ZNF385D: variants seen among roughly 807,000 people sequenced by gnomAD.
ZNF385D encodes zinc finger protein 659.
A neutral mutation model predicts 35.8 loss-of-function variants in ZNF385D; 15 were observed. The observed-to-expected ratio is 0.42, with a 90% CI of 0.28 to 0.64. The LOEUF is 0.64. Among genes scored for constraint, ZNF385D ranks in the 30% least tolerant of loss-of-function variants. The pLI is 0.23. For missense variants in ZNF385D, 474 were observed against 494.6 expected, an observed-to-expected ratio of 0.96 and a Z score of 0.39; for synonymous variants, 212 against 186.8, an observed-to-expected ratio of 1.13 and a Z score of -1.10.
At chr3:22,359,306 T>C (rs1004300373) in intron 2 of ZNF385D, among the ~76,000 whole-genome samples, 2 of 151,768 alleles carry the variant, frequency 1.3e-5, no homozygotes, top group African/African-American at 2.4e-5. Context: ...TTCTGTCTTG[T>C]AGAATCCAGT....
chr3:21,605,072 G>C (rs977011026), intron 2 of ZNF385D, among the ~76,000 whole-genome samples: 3 of 152,160 alleles, frequency 2.0e-5, no homozygotes, highest in Non-Finnish European at 4.4e-5. Flanking sequence ...ATTACACTTT[G>C]TCCTAACACT....
At chr3:21,667,226 A>G (rs542611879) in intron 1 of ZNF385D, among the ~76,000 whole-genome samples, 3 of 152,316 alleles carry the variant, frequency 2.0e-5, no homozygotes, top group East Asian at 3.9e-4. Context: ...CTGTGGTGCC[A>G]TTATGGCTCA....
chr3:21,794,206 G>A (rs1381250126), intron 3 of ZNF385D, among the ~76,000 whole-genome samples: 1 of 152,042 alleles, frequency 6.6e-6, no homozygotes, highest in Non-Finnish European at 1.5e-5. Context: ...GCAACTTGCT[G>A]CTTGGGGAGT....
chr3:22,122,276 C>T (rs1006412999), intron 3 of ZNF385D, among the ~76,000 whole-genome samples: 1 of 152,122 alleles, frequency 6.6e-6, no homozygotes, highest in Non-Finnish European at 1.5e-5. Context: ...GCATCAGGAC[C>T]TGCATTCGGC....
At chr3:21,841,201 C>G (rs1368310287) in intron 3 of ZNF385D, among the ~76,000 whole-genome samples, 1 of 152,000 alleles carries the variant, frequency 6.6e-6, no homozygotes, top group Non-Finnish European at 1.5e-5. Context: ...CCCTACAGAC[C>G]AGTGATAACA....
chr3:22,172,025 A>T (rs1694487452), intron 2 of ZNF385D, among the ~76,000 whole-genome samples: 1 of 152,182 alleles, frequency 6.6e-6, no homozygotes, highest in Non-Finnish European at 1.5e-5. Context: ...TTTAAATGGA[A>T]ATTTGACATA....
chr3:21,745,066 A>T (rs1476624026), intron 1 of ZNF385D, among the ~76,000 whole-genome samples: 1 of 152,134 alleles, frequency 6.6e-6, no homozygotes, highest in Non-Finnish European at 1.5e-5. Context: ...AAGAGTGCTG[A>T]GGACATAGAT....
intron 3 of ZNF385D, among the ~76,000 whole-genome samples, chr3:22,106,866 G>T (rs775155910): frequency 6.6e-6 from 1 of 151,934 alleles, no homozygotes; most frequent in Non-Finnish European, 1.5e-5. Flanking sequence ...TTGTGATTTG[G>T]GCACTCATTC....
intron 2 of ZNF385D, among the ~76,000 whole-genome samples, chr3:21,655,373 A>G (rs1015036172): frequency 1.3e-5 from 2 of 152,034 alleles, no homozygotes; most frequent in African/African-American, 4.8e-5. Context: ...TTTCTTATGT[A>G]TGCCCTATAG....
intron 3 of ZNF385D, among the ~76,000 whole-genome samples, chr3:21,961,144 G>T (rs959061726): frequency 1.3e-5 from 2 of 151,948 alleles, no homozygotes; most frequent in African/African-American, 4.8e-5. Flanking sequence ...ATTATACACT[G>T]TATACATGTA....
chr3:22,021,293 T>A (rs938419886), intron 3 of ZNF385D, among the ~76,000 whole-genome samples: 1 of 151,996 alleles, frequency 6.6e-6, no homozygotes, highest in African/African-American at 2.4e-5. Flanking sequence ...TCCAGTGTCA[T>A]ACTAAATGTT....
chr3:21,961,841 A>C (rs1466848397), intron 3 of ZNF385D, among the ~76,000 whole-genome samples: 2 of 152,140 alleles, frequency 1.3e-5, no homozygotes, highest in Non-Finnish European at 2.9e-5. Flanking sequence ...TGAAAGAAGG[A>C]ACATTTGCAG....
intron 3 of ZNF385D, among the ~76,000 whole-genome samples, chr3:21,760,680 C>CTAT (rs2070564744): frequency 6.6e-6 from 1 of 152,130 alleles, no homozygotes; most frequent in Admixed American, 6.5e-5. Context: ...GCTTAGTGCA[C>CTAT]TATCAAGAGC....
At chr3:21,546,375 A>G (rs1460514172) in intron 3 of ZNF385D, among the ~76,000 whole-genome samples, 1 of 152,126 alleles carries the variant, frequency 6.6e-6, no homozygotes, top group Non-Finnish European at 1.5e-5. Flanking sequence ...CTTTTGGGAA[A>G]GTAAGACCAA....
intron 3 of ZNF385D, among the ~76,000 whole-genome samples, chr3:21,805,318 G>A (rs1167157297): frequency 1.3e-5 from 2 of 150,138 alleles, no homozygotes; most frequent in African/African-American, 4.9e-5. Context: ...GGTGTTTAGT[G>A]TGGAAATAGG....
At chr3:22,363,163 C>CCCA (rs1696494161) in intron 2 of ZNF385D, among the ~76,000 whole-genome samples, 4 of 151,532 alleles carry the variant, frequency 2.6e-5, no homozygotes, top group African/African-American at 9.7e-5. Flanking sequence ...TCTACCACTG[C>CCCA]CTGGACCTTG....
intron 4 of ZNF385D, among the ~76,000 whole-genome samples, chr3:21,504,347 A>G (rs1485872672): frequency 6.6e-6 from 1 of 152,016 alleles, no homozygotes; most frequent in African/African-American, 2.4e-5. Flanking sequence ...GATGAGCAAT[A>G]TCACAGAATC....
At chr3:21,916,262 T>C (rs919766092) in intron 3 of ZNF385D, among the ~76,000 whole-genome samples, 2 of 152,156 alleles carry the variant, frequency 1.3e-5, no homozygotes, top group Admixed American at 6.5e-5. Flanking sequence ...TCTAGATAGA[T>C]TTTGTCAATT....
intron 3 of ZNF385D, among the ~76,000 whole-genome samples, chr3:21,882,363 T>C (rs1698323131): frequency 6.6e-6 from 1 of 151,984 alleles, no homozygotes; most frequent in South Asian, 2.1e-4. Context: ...TATGACTACG[T>C]GGTGCTTCAG....
Sources: gnomAD v4.1 joint callset for allele counts (sites outside exome capture counted in the v4.1 genomes callset) on GRCh38, gnomAD v4.1.1 for gene constraint, MANE v1.5 for transcripts, NCBI Gene and HGNC (gene_info 2026-07-23, HGNC 2026-07-21) for gene names.